RB1: variants seen among roughly 807,000 people sequenced by gnomAD.
RB1 encodes retinoblastoma-associated protein.
A neutral mutation model predicts 135.4 loss-of-function variants in RB1; 18 were observed. The ratio of observed to expected loss-of-function variants is 0.13; its 90% CI spans 0.09 to 0.20. The LOEUF (loss-of-function observed/expected upper bound fraction) is 0.20. Among genes scored for constraint, RB1 ranks in the 10% least tolerant of loss-of-function variants. The probability of loss-of-function intolerance (pLI) is 1.00; values close to 1 mark genes in which losing one functional copy is unlikely to be tolerated. For missense variants in RB1, 868 were observed against 1,110.0 expected, an observed-to-expected ratio of 0.78 and a Z score of 3.10; for synonymous variants, 365 against 373.2, an observed-to-expected ratio of 0.98 and a Z score of 0.25.
intron 6 of RB1, among the ~76,000 whole-genome samples, chr13:48,351,806 TG>T (rs1952551471): frequency 6.6e-6 from 1 of 152,088 alleles, no homozygotes; most frequent in African/African-American, 2.4e-5. Flanking sequence ...CCTGAGTAAC[TG>T]GGACTACAGG....
At chr13:48,434,622 A>C (rs969894137) in intron 17 of RB1, among the ~76,000 whole-genome samples, 1 of 152,090 alleles carries the variant, frequency 6.6e-6, no homozygotes, top group Admixed American at 6.5e-5. Flanking sequence ...GAGAGACACT[A>C]TTCAGGGGTT....
At chr13:48,463,936 T>C in intron 21 of RB1, 101 bp downstream of exon 21, 1 of 748,256 alleles carries the variant, frequency 1.3e-6, no homozygotes, top group Admixed American at 2.2e-5. Context: ...AGATCATATA[T>C]TCTGTCTGAC....
At position 48,352,505 on chromosome 13, in the gene RB1, C is replaced by CATGTGTT. The variant is rs1268278117; in HGVS notation, c.607+3483_607+3489dup. 4.6e-5 allele frequency among the ~76,000 whole-genome samples: 7 copies of CATGTGTT among 151,800 alleles called. No homozygotes were observed. In the South Asian group the frequency reaches 8.3e-4, roughly 18 times the overall value. On this transcript the variant is annotated intron_variant, in intron 6 of 26. Transcript: ENST00000267163. ...TATCCATGAGCATGGGATGTTTTTC[C>CATGTGTT]ATGTGTTTGTGTCATCTCTGATTGC...
rs147510592 is a variant in RB1, at chr13:48,395,379, T to C, written c.1695+13936T>C. ...ACAACTCCTCCCCAGCAAGGGGAGTTTGACGAATTGACAGAAGTAGGCTTC... is the reference window on the plus strand; with the variant it reads ...ACAACTCCTCCCCAGCAAGGGGAGTCTGACGAATTGACAGAAGTAGGCTTC... On this transcript the variant is annotated intron_variant, in intron 17 of 26. Coordinates refer to ENST00000267163, the MANE Select transcript of RB1 (RefSeq NM_000321.3). Among the ~76,000 whole-genome samples, 59 of 151,914 alleles carry C rather than the reference T, an allele frequency of 3.9e-4. No homozygotes were observed. In the East Asian group the frequency reaches 5.0e-3, roughly 13 times the overall value.
At chr13:48,463,212 A>G (rs1263687431) in intron 20 of RB1, among the ~76,000 whole-genome samples, 1 of 152,244 alleles carries the variant, frequency 6.6e-6, no homozygotes, top group African/African-American at 2.4e-5. Context: ...TATCAAAAGT[A>G]TACATTCTAA....
chr13:48,416,817 C>T (rs769605301), intron 17 of RB1, among the ~76,000 whole-genome samples: 5 of 152,132 alleles, frequency 3.3e-5, no homozygotes, highest in Non-Finnish European at 4.4e-5. Context: ...GCAAAGCCAC[C>T]GGGAAGTTTG....
chr13:48,321,372 CCCTCCGCCCGGGCCCCGCCTCCCCGCGCG>C (rs1326968122), intron 2 of RB1, among the ~76,000 whole-genome samples: 52 of 208 alleles, frequency 0.25, 1 homozygote, highest in South Asian at 0.46. Flanking sequence ...GGGGCAAGGG[CCCTCCGCCCGGGCCCCGCCTCCCCGCGCG>C]CCGCTGCCAC....
intron 6 of RB1, among the ~76,000 whole-genome samples, chr13:48,359,469 T>C (rs1220332428): frequency 1.3e-5 from 2 of 148,480 alleles, no homozygotes; most frequent in African/African-American, 4.9e-5. Flanking sequence ...TTTTAGATAA[T>C]GAGAATTAAT....
rs1593456364 is a variant in RB1, at chr13:48,380,241, A to C, written c.1498A>C (p.Arg500=). Residue 500 remains arginine, a splice_region_variant and synonymous_variant, in exon 16 of 27, where the codon AGA becomes CGA. Coordinates refer to ENST00000267163, the MANE Select transcript of RB1 (RefSeq NM_000321.3). The part of the protein sequence containing the change: ...ALEVVMATYS[R]STSQNLDSGT... ...TGAGGTTGTAATGGCCACATATAGC[A>C]GTAAGTTAAATTTTCATAAATAAAC... 1 of 1,586,598 alleles carries C rather than the reference A, an allele frequency of 6.3e-7. No individual in the cohort carries two copies. Among genetic ancestry groups the C allele is most frequent in the Non-Finnish European group, 8.6e-7 (1 of 1,157,244 alleles).
At chr13:48,324,283 A>G (rs1159530047) in intron 2 of RB1, among the ~76,000 whole-genome samples, 1 of 152,164 alleles carries the variant, frequency 6.6e-6, no homozygotes, top group Non-Finnish European at 1.5e-5. Context: ...TTGTGACTAT[A>G]TAGTGTTTCC....
At chr13:48,428,496 G>A (rs569874923) in intron 17 of RB1, among the ~76,000 whole-genome samples, 69 of 152,080 alleles carry the variant, frequency 4.5e-4, no homozygotes, top group Non-Finnish European at 6.8e-4. Flanking sequence ...ACGAGATTTG[G>A]AAGGGACAAA....
intron 2 of RB1, among the ~76,000 whole-genome samples, chr13:48,327,400 G>T (rs1368658346): frequency 6.6e-6 from 1 of 152,058 alleles, no homozygotes; most frequent in Non-Finnish European, 1.5e-5. Flanking sequence ...GTAGCAAATG[G>T]TTTTTCTTTG....
intron 17 of RB1, among the ~76,000 whole-genome samples, chr13:48,400,129 C>G (rs1208127341): frequency 1.3e-5 from 2 of 152,094 alleles, no homozygotes; most frequent in African/African-American, 4.8e-5. Context: ...TTGCTTACTT[C>G]TTTGGAAGTT....
intron 11 of RB1, among the ~76,000 whole-genome samples, chr13:48,371,977 A>G (rs1952763357): frequency 6.6e-6 from 1 of 152,170 alleles, no homozygotes; most frequent in Non-Finnish European, 1.5e-5. Context: ...TGAGGGATCT[A>G]GATTGTATGC....
intron 1 of RB1, among the ~76,000 whole-genome samples, chr13:48,306,377 C>A (rs1054376599): frequency 1.3e-5 from 2 of 152,136 alleles, no homozygotes; most frequent in Non-Finnish European, 2.9e-5. Context: ...TGCACCCCAG[C>A]CTGGATGACA....
At chr13:48,338,603 G>C (rs180914137) in intron 2 of RB1, among the ~76,000 whole-genome samples, 1 of 152,118 alleles carries the variant, frequency 6.6e-6, no homozygotes, top group South Asian at 2.1e-4. Context: ...AAGGTTTTTA[G>C]CTTCTTTATG....
chr13:48,362,680 C>G, intron 7 of RB1, 135 bp from the exon 8 acceptor site: 2 of 941,244 alleles, frequency 2.1e-6, no homozygotes, highest in Non-Finnish European at 1.6e-6. Flanking sequence ...AATTGTTATC[C>G]TTCTAATGAA....
intron 9 of RB1, among the ~76,000 whole-genome samples, chr13:48,366,634 G>T (rs1952702173): frequency 6.6e-6 from 1 of 152,144 alleles, no homozygotes; most frequent in South Asian, 2.1e-4. Flanking sequence ...AATTGAAAAA[G>T]TATCTAAGAT....
At chr13:48,381,536 A>G in intron 17 of RB1, 93 bp downstream of exon 17, 1 of 1,159,644 alleles carries the variant, frequency 8.6e-7, no homozygotes, top group Non-Finnish European at 1.3e-6. Context: ...CTACCTCAAG[A>G]ACATATAGGG....
Sources: gnomAD v4.1 joint callset for allele counts (sites outside exome capture counted in the v4.1 genomes callset) on GRCh38, gnomAD v4.1.1 for gene constraint, MANE v1.5 for transcripts, NCBI Gene and HGNC (gene_info 2026-07-23, HGNC 2026-07-21) for gene names.